MRPL42: variants seen among roughly 807,000 people sequenced by gnomAD.
MRPL42 encodes the protein large ribosomal subunit protein mL42.
A neutral mutation model predicts 17.9 loss-of-function variants in MRPL42; 17 were observed. The ratio of observed to expected loss-of-function variants is 0.95; its 90% confidence interval spans 0.65 to 1.42. The LOEUF (loss-of-function observed/expected upper bound fraction) is 1.42, where lower values mean the gene tolerates loss of function less well. Ranked by LOEUF, MRPL42 falls within the 40% of genes most tolerant of loss-of-function variation. The probability of loss-of-function intolerance (pLI) is 0.00; values close to 1 mark genes in which losing one functional copy is unlikely to be tolerated. For missense variants in MRPL42, 177 were observed against 175.2 expected, an observed-to-expected ratio of 1.01 and a Z score of -0.06; for synonymous variants, 59 against 54.4, an observed-to-expected ratio of 1.08 and a Z score of -0.37.
chr12:93,492,684 T>C (rs559851723), intron 5 of MRPL42, among the ~76,000 whole-genome samples: 1 of 152,388 alleles, frequency 6.6e-6, no homozygotes, highest in East Asian at 1.9e-4. Flanking sequence ...GCATACACTG[T>C]TCAATTATAT....
At position 93,501,627 on chromosome 12, in the gene MRPL42, A is replaced by G. The variant is rs1373465118; in HGVS notation, c.*406A>G. ...TAAGACAGGCTAGCATTTTCAATTT[A>G]CAATATTTTCAACTGATAGTAGGTT... is the stretch of plus-strand genomic sequence containing the variant. On this transcript the variant is annotated 3_prime_UTR_variant, in exon 6 of 6. Coordinates refer to ENST00000549982, the MANE Select transcript of MRPL42 (RefSeq NM_014050.4). 1.3e-5 allele frequency: 2 copies of G among 153,372 alleles called. No individual in the cohort carries two copies. Among genetic ancestry groups the G allele is most frequent in the Non-Finnish European group, 2.9e-5 (2 of 68,918 alleles). 9.5% of individuals were successfully genotyped at this position (153,372 alleles called of 1,614,324 possible).
chr12:93,495,173 A>G (rs1008586263), intron 5 of MRPL42, among the ~76,000 whole-genome samples: 5 of 152,078 alleles, frequency 3.3e-5, no homozygotes, highest in Non-Finnish European at 2.9e-5. Context: ...TCACCCTTCA[A>G]ATTGTCTGTG....
chr12:93,495,744 C>T (rs1953488621), intron 5 of MRPL42, among the ~76,000 whole-genome samples: 1 of 152,110 alleles, frequency 6.6e-6, no homozygotes, highest in Admixed American at 6.5e-5. Context: ...GATCTGCTGA[C>T]CTTGATTAAG....
intron 5 of MRPL42, among the ~76,000 whole-genome samples, chr12:93,494,967 C>T (rs1953470527): frequency 6.6e-6 from 1 of 152,198 alleles, no homozygotes; most frequent in Admixed American, 6.5e-5. Context: ...CCCAGAGAAA[C>T]TCCGACCAGC....
intron 2 of MRPL42, chr12:93,470,420 A>G: frequency 8.2e-7 from 1 of 1,213,984 alleles, no homozygotes; most frequent in African/African-American, 1.6e-5. Context: ...ATAGAAGGCA[A>G]CAGTAGGTTT....
At chr12:93,485,362 A>G (rs936758702) in intron 4 of MRPL42, among the ~76,000 whole-genome samples, 3 of 151,728 alleles carry the variant, frequency 2.0e-5, no homozygotes, top group Middle Eastern at 3.4e-3. Context: ...CAGCGTCTCC[A>G]ACTCCTGAGC....
At chr12:93,489,854 C>T (rs1348505944) in intron 5 of MRPL42, among the ~76,000 whole-genome samples, 1 of 152,128 alleles carries the variant, frequency 6.6e-6, no homozygotes, top group African/African-American at 2.4e-5. Context: ...TATTTAATAC[C>T]CACTTTGTTT....
Position 93,480,340 on chromosome 12 carries a change from C to T in MRPL42, c.219+868C>T, listed in dbSNP as rs1051361682. On this transcript the variant is annotated intron_variant, in intron 4 of 5. Transcript: ENST00000549982. ...TTCACCATGTTGCCCAGGCTGATCT[C>T]GAACTCCTAAGCTTAGGTGATCCGC... 3.3e-5 allele frequency among the ~76,000 whole-genome samples: 5 copies of T among 151,802 alleles called. 1 individual carries two copies. The highest frequency in any genetic ancestry group is 1.9e-4 in the East Asian group (1 of 5,144).
chr12:93,495,878 G>GT (rs1263377400), intron 5 of MRPL42, among the ~76,000 whole-genome samples: 1 of 152,156 alleles, frequency 6.6e-6, no homozygotes, highest in African/African-American at 2.4e-5. Flanking sequence ...AAATTTACCA[G>GT]TGCATCCTCA....
chr12:93,468,763 C>G (rs898272397), intron 1 of MRPL42, among the ~76,000 whole-genome samples: 1 of 152,058 alleles, frequency 6.6e-6, no homozygotes, highest in African/African-American at 2.4e-5. Flanking sequence ...GGGCAGACAA[C>G]TATTTCATTT....
chr12:93,515,097 T>G lies in MRPL42; in HGVS notation c.*13876T>G, dbSNP rs1953767065. On this transcript the variant is annotated 3_prime_UTR_variant, in exon 6 of 6. Transcript: ENST00000549982. ...CATTGCTAACCTCACTGATTTTTAA[T>G]TTTACCATTTAAATGTTAGTAACAG... 6.6e-6 allele frequency: 1 copy of G among 152,196 alleles called. No individual in the cohort carries two copies. The highest frequency in any genetic ancestry group is 1.5e-5 in the Non-Finnish European group (1 of 68,038). The allele number at this position is 152,196 out of a possible 1,614,324, so 9.4% of individuals were successfully genotyped here. A position where few individuals can be genotyped will look rare whatever the true frequency, so the allele number is the denominator to read the frequency against.
chr12:93,501,350 G>A lies in MRPL42; in HGVS notation c.*129G>A. The stretch of plus-strand genomic sequence containing the variant: ...AATATCTTTTCATATATTAGAATGT[G>A]TACTTTTATATAAAGTAATTCTGGA... On this transcript the variant is annotated 3_prime_UTR_variant, in exon 6 of 6. Coordinates refer to ENST00000549982, the MANE Select transcript of MRPL42 (RefSeq NM_014050.4). 1.9e-6 allele frequency: 1 copy of A among 521,732 alleles called. No homozygotes were observed. Among genetic ancestry groups the A allele is most frequent in the East Asian group, 3.6e-5 (1 of 27,932 alleles). The allele number at this position is 521,732 out of a possible 1,614,324, so 32.3% of individuals were successfully genotyped here.
At chr12:93,483,052 G>A (rs1467898703) in intron 4 of MRPL42, among the ~76,000 whole-genome samples, 1 of 152,064 alleles carries the variant, frequency 6.6e-6, no homozygotes, top group Non-Finnish European at 1.5e-5. Flanking sequence ...TCGTGACCAC[G>A]CCTGGCTAAT....
At position 93,501,067 on chromosome 12, in the gene MRPL42, A is replaced by AT. The variant is rs1953585650; in HGVS notation, c.384-103dup. The AT allele has an allele frequency of 4.9e-6, 4 of 823,862 alleles. No individual in the cohort carries two copies. The South Asian group carries it at 5.8e-5, about 12-fold the overall frequency. The allele number at this position is 823,862 out of a possible 1,614,324, so 51.0% of individuals were successfully genotyped here. A position where few individuals can be genotyped will look rare whatever the true frequency, so the allele number is the denominator to read the frequency against. ...AAATGGCTGATACGTAGTTTCATTG[A>AT]TTTTTTAAAAAAATAGTTCCAATAG... On this transcript the variant is annotated intron_variant, in intron 5 of 5. Coordinates refer to ENST00000549982, the MANE Select transcript of MRPL42 (RefSeq NM_014050.4).
intron 5 of MRPL42, among the ~76,000 whole-genome samples, chr12:93,497,834 A>G (rs1050440549): frequency 6.6e-6 from 1 of 151,704 alleles, no homozygotes. Context: ...AAAATCCTCA[A>G]ACAGCTTCCT....
rs1490856578 is a variant in MRPL42, at chr12:93,510,485, T to C, written c.*9264T>C. 6.6e-6 allele frequency: 1 copy of C among 152,230 alleles called. No individual in the cohort carries two copies. The highest frequency in any genetic ancestry group is 1.5e-5 in the Non-Finnish European group (1 of 68,048). The allele number at this position is 152,230 out of a possible 1,614,324, so 9.4% of individuals were successfully genotyped here. A position where few individuals can be genotyped will look rare whatever the true frequency, so the allele number is the denominator to read the frequency against. ...CAAAGAGCACAATTGTTGGATTGAA[T>C]GCTAAGAGAATGTTTCGTTTTGTAA... is the stretch of plus-strand genomic sequence containing the variant. On this transcript the variant is annotated 3_prime_UTR_variant, in exon 6 of 6. Coordinates refer to ENST00000549982, the MANE Select transcript of MRPL42 (RefSeq NM_014050.4).
intron 2 of MRPL42, among the ~76,000 whole-genome samples, chr12:93,472,563 G>A (rs1330319300): frequency 1.3e-5 from 2 of 152,142 alleles, no homozygotes; most frequent in African/African-American, 4.8e-5. Flanking sequence ...GGGAGACAGA[G>A]TGAGACCCTG....
In MRPL42 at chr12:93,510,939, G is replaced by C. The variant is rs1346850022; in HGVS notation, c.*9718G>C. On this transcript the variant is annotated 3_prime_UTR_variant, in exon 6 of 6. Transcript: ENST00000549982. ...GAATGCAATCGATGTGAAGGTTTGG[G>C]GTAATTTGTTTCATTTATCTTTAAC... 6.6e-6 allele frequency: 1 copy of C among 152,082 alleles called. No individual in the cohort carries two copies. Among genetic ancestry groups the C allele is most frequent in the Admixed American group, 6.6e-5 (1 of 15,250 alleles). The allele number at this position is 152,082 out of a possible 1,614,324, so 9.4% of individuals were successfully genotyped here.
At position 93,511,449 on chromosome 12, in the gene MRPL42, G is replaced by A. The variant is rs1352062345; in HGVS notation, c.*10228G>A. The A allele has an allele frequency of 6.6e-6, 1 of 152,074 alleles. No individual in the cohort carries two copies. Among genetic ancestry groups the A allele is most frequent in the East Asian group, 1.9e-4 (1 of 5,202 alleles). The allele number at this position is 152,074 out of a possible 1,614,324, so 9.4% of individuals were successfully genotyped here. On this transcript the variant is annotated 3_prime_UTR_variant, in exon 6 of 6. Coordinates refer to ENST00000549982, the MANE Select transcript of MRPL42 (RefSeq NM_014050.4). ...ATAATCTTATATATAGACAATAATT[G>A]TCTTAATAATAATCAGCATCAAAGA...
Sources: allele counts gnomAD v4.1 joint callset (sites outside exome capture counted in the v4.1 genomes callset), GRCh38; gene constraint gnomAD v4.1.1; transcripts MANE v1.5; gene names NCBI Gene and HGNC (gene_info 2026-07-23, HGNC 2026-07-21).